The following SEMA6D variants were observed in gnomAD, a reference collection of about 807,000 sequenced individuals.
SEMA6D encodes the protein semaphorin 6D.
In SEMA6D, 35 loss-of-function variants were observed where a neutral mutation model predicts 106.6. The observed-to-expected ratio is 0.33, with a 90% CI of 0.25 to 0.44. The LOEUF (loss-of-function observed/expected upper bound fraction) is 0.44, where lower values mean the gene tolerates loss of function less well. SEMA6D is among the 20% of genes least tolerant of loss of function. The probability of loss-of-function intolerance (pLI) is 1.00; values close to 1 mark genes in which losing one functional copy is unlikely to be tolerated. For synonymous variants in SEMA6D, 499 were observed against 487.7 expected, an observed-to-expected ratio of 1.02 and a Z score of -0.31; for missense variants, 1,185 against 1,345.9, an observed-to-expected ratio of 0.88 and a Z score of 1.87.
intron 4 of SEMA6D, among the ~76,000 whole-genome samples, chr15:47,696,444 A>G (rs1408228483): frequency 1.3e-5 from 2 of 152,186 alleles, no homozygotes; most frequent in Non-Finnish European, 2.9e-5. Flanking sequence ...AAGTCTCAGC[A>G]GTTATTTTTA....
chr15:47,657,564 G>A (rs1004623748), intron 4 of SEMA6D, among the ~76,000 whole-genome samples: 1 of 151,586 alleles, frequency 6.6e-6, no homozygotes, highest in Non-Finnish European at 1.5e-5. Flanking sequence ...ATTTAATTCA[G>A]AAAGAAAGAG....
At chr15:47,442,680 C>G (rs1003175531) in intron 2 of SEMA6D, among the ~76,000 whole-genome samples, 1 of 152,080 alleles carries the variant, frequency 6.6e-6, no homozygotes, top group African/African-American at 2.4e-5. Context: ...AAGTGCTATA[C>G]AAGTCCATAT....
intron 1 of SEMA6D, among the ~76,000 whole-genome samples, chr15:47,733,547 T>C (rs572284948): frequency 6.6e-6 from 1 of 152,336 alleles, no homozygotes; most frequent in South Asian, 2.1e-4. Flanking sequence ...TAACCCTTGC[T>C]TCGCTACTCT....
In SEMA6D at chr15:47,302,020, G is replaced by A. The variant is rs2036043793; in HGVS notation, c.-238-110373G>A. ...GACAATCACAAAAACAGCAACAACA[G>A]TAACAACCAAGTAAATGCTGAATAT... is the stretch of plus-strand genomic sequence containing the variant. On this transcript the variant is annotated intron_variant, in intron 1 of 19. Coordinates refer to the SEMA6D transcript ENST00000558014. Among the ~76,000 whole-genome samples, 2 of 152,172 alleles carry A rather than the reference G, an allele frequency of 1.3e-5. 1 individual carries two copies. The highest frequency in any genetic ancestry group is 4.1e-4 in the South Asian group (2 of 4,832).
chr15:47,656,348 T>C (rs1376623608), intron 4 of SEMA6D, among the ~76,000 whole-genome samples: 1 of 152,214 alleles, frequency 6.6e-6, no homozygotes, highest in Non-Finnish European at 1.5e-5. Flanking sequence ...TAATGCTGTG[T>C]TTGTGGTGAC....
intron 1 of SEMA6D, among the ~76,000 whole-genome samples, chr15:47,343,648 G>A (rs1434463810): frequency 2.6e-5 from 4 of 152,108 alleles, no homozygotes; most frequent in African/African-American, 7.2e-5. Flanking sequence ...TCTTAATCCA[G>A]TCTATCATTG....
intron 4 of SEMA6D, among the ~76,000 whole-genome samples, chr15:47,670,164 A>T (rs574548925): frequency 6.6e-6 from 1 of 152,316 alleles, no homozygotes; most frequent in Admixed American, 6.5e-5. Context: ...AAATAGAATT[A>T]GTCAGTCCCT....
At chr15:47,681,546 A>G (rs943964908) in intron 4 of SEMA6D, among the ~76,000 whole-genome samples, 11 of 152,244 alleles carry the variant, frequency 7.2e-5, no homozygotes, top group African/African-American at 2.7e-4. Context: ...ACTTAGAGAT[A>G]GCAATACTGT....
intron 3 of SEMA6D, among the ~76,000 whole-genome samples, chr15:47,545,087 A>G (rs1022005352): frequency 1.3e-5 from 2 of 151,432 alleles, no homozygotes; most frequent in East Asian, 3.9e-4. Flanking sequence ...GAGGTAGTCA[A>G]CCAACAAATC....
chr15:47,463,322 C>T (rs1419845053), intron 2 of SEMA6D, among the ~76,000 whole-genome samples: 1 of 152,144 alleles, frequency 6.6e-6, no homozygotes, highest in East Asian at 1.9e-4. Flanking sequence ...CTTTTCTTCA[C>T]AATTCAAAAC....
chr15:47,492,209 G>C (rs538997946), intron 3 of SEMA6D, among the ~76,000 whole-genome samples: 5 of 152,222 alleles, frequency 3.3e-5, no homozygotes, highest in Admixed American at 2.6e-4. Flanking sequence ...CAAAGTGAAA[G>C]ATAAAAGTCC....
chr15:47,333,622 G>C (rs1162748645), intron 1 of SEMA6D, among the ~76,000 whole-genome samples: 1 of 152,122 alleles, frequency 6.6e-6, no homozygotes, highest in Non-Finnish European at 1.5e-5. Context: ...CACTCAGTCA[G>C]TCAGCAAAGA....
chr15:47,385,179 A>T (rs1191395533), intron 1 of SEMA6D, among the ~76,000 whole-genome samples: 1 of 151,850 alleles, frequency 6.6e-6, no homozygotes, highest in Non-Finnish European at 1.5e-5. Context: ...AATTTTCATC[A>T]ATACTTAATA....
intron 1 of SEMA6D, among the ~76,000 whole-genome samples, chr15:47,239,897 C>A (rs2032798433): frequency 6.6e-6 from 1 of 152,128 alleles, no homozygotes; most frequent in African/African-American, 2.4e-5. Flanking sequence ...CCCAACTAAG[C>A]TTCAGTTACA....
chr15:47,527,475 T>C (rs2044801018), intron 3 of SEMA6D, among the ~76,000 whole-genome samples: 1 of 148,076 alleles, frequency 6.8e-6, no homozygotes, highest in South Asian at 2.1e-4. Context: ...CTTTCAAAGA[T>C]TTTCTGTGAA....
intron 1 of SEMA6D, among the ~76,000 whole-genome samples, chr15:47,345,813 G>A (rs543723952): frequency 6.6e-6 from 1 of 152,254 alleles, no homozygotes; most frequent in African/African-American, 2.4e-5. Context: ...AAACAAATCA[G>A]TGGTTACCTG....
intron 2 of SEMA6D, among the ~76,000 whole-genome samples, chr15:47,465,204 A>G (rs897237563): frequency 6.6e-6 from 1 of 152,170 alleles, no homozygotes; most frequent in African/African-American, 2.4e-5. Flanking sequence ...ATTTTGACCA[A>G]TGTGTATCTG....
intron 1 of SEMA6D, among the ~76,000 whole-genome samples, chr15:47,388,993 G>C (rs1426332893): frequency 4.0e-5 from 6 of 151,310 alleles, no homozygotes; most frequent in Non-Finnish European, 8.8e-5. Flanking sequence ...GTAAGCATAA[G>C]GATTATTTGG....
At position 47,247,655 on chromosome 15, in the gene SEMA6D, A is replaced by G. The variant is rs2033280647; in HGVS notation, c.-239+63237A>G. Among the ~76,000 whole-genome samples the G allele has an allele frequency of 2.6e-5, 4 of 152,164 alleles. No homozygotes were observed. In the South Asian group the frequency reaches 8.3e-4, roughly 31 times the overall value. Reference sequence around the variant, plus strand: ...ATCTGTCTTCTATAAATCCATGAATACTGGCTTTTTTTCTTTGTCTCATTT... The same window carrying G: ...ATCTGTCTTCTATAAATCCATGAATGCTGGCTTTTTTTCTTTGTCTCATTT... On this transcript the variant is annotated intron_variant, in intron 1 of 19. Transcript: ENST00000558014.
Sources: allele counts gnomAD v4.1 joint callset (sites outside exome capture counted in the v4.1 genomes callset), GRCh38; gene constraint gnomAD v4.1.1; transcripts MANE v1.5; gene names NCBI Gene and HGNC (gene_info 2026-07-23, HGNC 2026-07-21).